ATP1A1: variants seen among roughly 807,000 people sequenced by gnomAD.
ATP1A1 encodes the protein ATPase Na+/K+ transporting subunit alpha 1.
Under a neutral mutation model 114.8 loss-of-function variants are expected in ATP1A1, and 14 were observed. The observed-to-expected ratio is 0.12, with a 90% confidence interval of 0.08 to 0.19. The LOEUF (loss-of-function observed/expected upper bound fraction) is 0.19. ATP1A1 is among the 10% of genes least tolerant of loss of function. ATP1A1 has a pLI of 1.00. For missense variants in ATP1A1, 524 were observed against 1,290.7 expected (o/e 0.41, Z 9.10); for synonymous variants, 471 against 466.3 (o/e 1.01, Z -0.13).
chr1:116,401,394 G>C lies in ATP1A1; in HGVS notation c.2849+134G>C. The C allele has an allele frequency of 6.7e-7, 1 of 1,503,170 alleles. No homozygotes were observed. Among genetic ancestry groups the C allele is most frequent in the East Asian group, 2.3e-5 (1 of 44,084 alleles). 93.1% of individuals were successfully genotyped at this position (1,503,170 alleles called of 1,614,324 possible). A position where few individuals can be genotyped will look rare whatever the true frequency, so the allele number is the denominator to read the frequency against. ...ATCTCTAGTTTATAGAGCAAATTTA[G>C]GAAGCAAGAAATGTAGCTTTCTAGT... On this transcript the variant is annotated intron_variant, in intron 20 of 22. Coordinates refer to ENST00000295598, the MANE Select transcript of ATP1A1 (RefSeq NM_000701.8). The surrounding 1 kb of genome is among the most constrained non-coding windows in gnomAD (Gnocchi z 4.7).
In ATP1A1 at chr1:116,389,715, G is replaced by T; in HGVS notation, c.1023+8G>T. 6.2e-7 allele frequency: 1 copy of T among 1,613,902 alleles called. No homozygotes were observed. The highest frequency in any genetic ancestry group is 1.1e-5 in the South Asian group (1 of 91,060). ...TTGCTGGCCACTGTCACGGTAAGAG[G>T]CAGGTGATGGTCACCCTGACTCAGA... On this transcript the variant is annotated splice_region_variant and intron_variant, in intron 8 of 22. Coordinates refer to ENST00000295598, the MANE Select transcript of ATP1A1 (RefSeq NM_000701.8). This position sits in a 1 kb window ranked among gnomAD's most constrained non-coding sequence, Gnocchi z 6.9.
Position 116,401,366 on chromosome 1 carries a change from G to A in ATP1A1, c.2849+106G>A. Reference sequence around the variant, plus strand: ...ATATGACACATATAGCCAGGTTTCTGGAATCTCTAGTTTATAGAGCAAATT... The same window carrying A: ...ATATGACACATATAGCCAGGTTTCTAGAATCTCTAGTTTATAGAGCAAATT... On this transcript the variant is annotated intron_variant, in intron 20 of 22. Transcript: ENST00000295598. The surrounding 1 kb of genome is among the most constrained non-coding windows in gnomAD (Gnocchi z 4.7). 1.3e-6 allele frequency: 2 copies of A among 1,563,158 alleles called. No individual in the cohort carries two copies. The highest frequency in any genetic ancestry group is 1.7e-6 in the Non-Finnish European group (2 of 1,149,068).
In ATP1A1 at chr1:116,374,351, G is replaced by A. The variant is rs1020336482; in HGVS notation, c.12+828G>A. 20 of 1,510,664 alleles carry A rather than the reference G, an allele frequency of 1.3e-5. No homozygotes were observed. The African/African-American group carries it at 1.9e-4, about 15-fold the overall frequency. The allele number at this position is 1,510,664 out of a possible 1,614,324, so 93.6% of individuals were successfully genotyped here. On this transcript the variant is annotated intron_variant, in intron 1 of 22. Transcript: ENST00000295598. ...GAGAGGCGTGCAGATTTTTTTTGAA[G>A]GGACGAGCCCTGAAGGAGGATAGGC...
intron 18 of ATP1A1, 152 bp from the exon 19 acceptor site, chr1:116,400,709 G>A (rs1653392782): frequency 3.2e-6 from 3 of 928,440 alleles, no homozygotes; most frequent in African/African-American, 3.4e-5. Flanking sequence ...TAGCCTGTGA[G>A]TGACCAGGCA....
At chr1:116,390,549 T>TA (rs1652381634) in intron 9 of ATP1A1, 138 bp downstream of exon 9, 1 of 1,008,964 alleles carries the variant, frequency 9.9e-7, no homozygotes. Flanking sequence ...TTTTTTTTTT[T>TA]TATCATTTAG....
chr1:116,388,608 C>T lies in ATP1A1; in HGVS notation c.502-30C>T, dbSNP rs759918521. ...ACACTACCTTCTCTTTGTTGGTATA[C>T]TAACGGTGTAAATTGTTTCTTTTCC... On this transcript the variant is annotated intron_variant, in intron 5 of 22. Coordinates refer to ENST00000295598, the MANE Select transcript of ATP1A1 (RefSeq NM_000701.8). The surrounding 1 kb of genome is among the most constrained non-coding windows in gnomAD (Gnocchi z 5.6). 3 of 1,610,868 alleles carry T rather than the reference C, an allele frequency of 1.9e-6. No individual in the cohort carries two copies. The highest frequency in any genetic ancestry group is 2.5e-6 in the Non-Finnish European group (3 of 1,178,022).
At chr1:116,394,059 T>C (rs1043829768) in intron 12 of ATP1A1, among the ~76,000 whole-genome samples, 23 of 152,210 alleles carry the variant, frequency 1.5e-4, no homozygotes, top group Non-Finnish European at 2.1e-4. Context: ...TTTGTTGCTG[T>C]GGACATGACT....
chr1:116,374,527 C>G (rs1041675672), intron 1 of ATP1A1, among the ~76,000 whole-genome samples: 1 of 152,168 alleles, frequency 6.6e-6, no homozygotes, highest in African/African-American at 2.4e-5. Flanking sequence ...GGCTGGAGAG[C>G]GGCGCGGAGC....
intron 12 of ATP1A1, among the ~76,000 whole-genome samples, chr1:116,394,539 A>C (rs575368113): frequency 6.6e-6 from 1 of 152,206 alleles, no homozygotes; most frequent in Non-Finnish European, 1.5e-5. Context: ...ACGTCATACA[A>C]CATTGAAAAG....
Position 116,404,107 on chromosome 1 carries a change from C to A in ATP1A1, c.3043+132C>A, listed in dbSNP as rs770082408. The A allele has an allele frequency of 1.2e-6, 1 of 844,930 alleles. No individual in the cohort carries two copies. Among genetic ancestry groups the A allele is most frequent in the Non-Finnish European group, 1.9e-6 (1 of 535,040 alleles). The allele number at this position is 844,930 out of a possible 1,614,324, so 52.3% of individuals were successfully genotyped here. On this transcript the variant is annotated intron_variant, in intron 22 of 22. Coordinates refer to ENST00000295598, the MANE Select transcript of ATP1A1 (RefSeq NM_000701.8). This position sits in a 1 kb window ranked among gnomAD's most constrained non-coding sequence, Gnocchi z 4.8. ...TGATTAGCTAAGGTGACTGGACCAG[C>A]AAACTGACCATAGTCACATCTTCAG...
chr1:116,401,907 G>C lies in ATP1A1; in HGVS notation c.2951+252G>C, dbSNP rs1470640790. The C allele has an allele frequency of 3.8e-6, 2 of 527,962 alleles. No individual in the cohort carries two copies. Among genetic ancestry groups the C allele is most frequent in the Non-Finnish European group, 6.7e-6 (2 of 297,438 alleles). 32.7% of individuals were successfully genotyped at this position (527,962 alleles called of 1,614,324 possible). A position where few individuals can be genotyped will look rare whatever the true frequency, so the allele number is the denominator to read the frequency against. On this transcript the variant is annotated intron_variant, in intron 21 of 22. Coordinates refer to ENST00000295598, the MANE Select transcript of ATP1A1 (RefSeq NM_000701.8). The surrounding 1 kb of genome is among the most constrained non-coding windows in gnomAD (Gnocchi z 4.7). Reference sequence around the variant, plus strand: ...AAGCCACACAGGCTCTAGCTCCATGGAACTGCTCAACAGCGAACTGCATTG... The same window carrying C: ...AAGCCACACAGGCTCTAGCTCCATGCAACTGCTCAACAGCGAACTGCATTG...
In ATP1A1 at chr1:116,387,608, T is replaced by C. The variant is rs1321472162; in HGVS notation, c.387+117T>C. ...ACTTAATGGTTATGAACTCATTACTTAATGGTTATGAACAGCTGTTGCCTT... is the reference window on the plus strand; with the variant it reads ...ACTTAATGGTTATGAACTCATTACTCAATGGTTATGAACAGCTGTTGCCTT... On this transcript the variant is annotated intron_variant, in intron 4 of 22. Coordinates refer to ENST00000295598, the MANE Select transcript of ATP1A1 (RefSeq NM_000701.8). The surrounding 1 kb of genome is among the most constrained non-coding windows in gnomAD (Gnocchi z 6.7). The C allele has an allele frequency of 8.6e-7, 1 of 1,156,478 alleles. No homozygotes were observed. The highest frequency in any genetic ancestry group is 1.2e-6 in the Non-Finnish European group (1 of 819,902). 71.6% of individuals were successfully genotyped at this position (1,156,478 alleles called of 1,614,324 possible).
Position 116,373,876 on chromosome 1 carries a change from G to T in ATP1A1, c.12+353G>T, listed in dbSNP as rs905832874. ...GGAGGAGGGGGCTTGCAGCAGCGGGGGCGGCCCCGGGACTGAGCCGGCATC... is the reference window on the plus strand; with the variant it reads ...GGAGGAGGGGGCTTGCAGCAGCGGGTGCGGCCCCGGGACTGAGCCGGCATC... On this transcript the variant is annotated intron_variant, in intron 1 of 22. Coordinates refer to ENST00000295598, the MANE Select transcript of ATP1A1 (RefSeq NM_000701.8). 1.8e-5 allele frequency: 23 copies of T among 1,272,672 alleles called. 1 individual carries two copies. Among genetic ancestry groups the T allele is most frequent in the Middle Eastern group, 6.0e-4 (2 of 3,342 alleles). 78.8% of individuals were successfully genotyped at this position (1,272,672 alleles called of 1,614,324 possible). A position where few individuals can be genotyped will look rare whatever the true frequency, so the allele number is the denominator to read the frequency against.
In ATP1A1 at chr1:116,398,511, T is replaced by TAGGAA; in HGVS notation, c.2125-105_2125-101dup. The TAGGAA allele has an allele frequency of 1.5e-6, 2 of 1,351,856 alleles. No individual in the cohort carries two copies. Among genetic ancestry groups the TAGGAA allele is most frequent in the Non-Finnish European group, 2.0e-6 (2 of 984,834 alleles). 83.7% of individuals were successfully genotyped at this position (1,351,856 alleles called of 1,614,324 possible). On this transcript the variant is annotated intron_variant, in intron 15 of 22. Transcript: ENST00000295598. The surrounding 1 kb of genome is among the most constrained non-coding windows in gnomAD (Gnocchi z 6.1). ...TCTCAGGCTTCATAAATAGTCTCAA[T>TAGGAA]AGGAAAGGAGCAGTGTCTGTAATGA...
intron 21 of ATP1A1, 122 bp from the exon 22 acceptor site, chr1:116,403,762 G>C: frequency 1.3e-6 from 1 of 797,416 alleles, no homozygotes. Context: ...AGTTAACTGT[G>C]ACTGTACTTG....
Position 116,373,346 on chromosome 1 carries a change from A to C in ATP1A1, c.-166A>C. The C allele has an allele frequency of 2.4e-3, 1,222 of 503,948 alleles. No homozygotes were observed. The highest frequency in any genetic ancestry group is 6.5e-3 in the East Asian group (118 of 18,198). The allele number at this position is 503,948 out of a possible 1,614,324, so 31.2% of individuals were successfully genotyped here. Reference sequence around the variant, plus strand: ...CGGCGGCAGCAACAGCGGCGGCGGCATCGGCCCGAGCCGCCGGCCGCCCTC... The same window carrying C: ...CGGCGGCAGCAACAGCGGCGGCGGCCTCGGCCCGAGCCGCCGGCCGCCCTC... On this transcript the variant is annotated 5_prime_UTR_variant, in exon 1 of 23. Coordinates refer to ENST00000295598, the MANE Select transcript of ATP1A1 (RefSeq NM_000701.8).
chr1:116,388,713 G>A lies in ATP1A1; in HGVS notation c.577G>A (p.Val193Ile), dbSNP rs777143274. The A allele has an allele frequency of 2.5e-6, 4 of 1,614,230 alleles. No homozygotes were observed. The Admixed American group carries it at 6.7e-5, about 27-fold the overall frequency. ...EEVVVGDLVE[V>I]KGGDRIPADL... ...AGTTGTGGTTGGGGATCTGGTGGAA[G>A]TAAAAGGAGGAGACCGAATTCCTGC... Residue 193 changes from valine to isoleucine, a missense_variant, in exon 6 of 23, where the codon GTA becomes ATA. Coordinates refer to ENST00000295598, the MANE Select transcript of ATP1A1 (RefSeq NM_000701.8). The surrounding 1 kb of genome is among the most constrained non-coding windows in gnomAD (Gnocchi z 5.6).
At chr1:116,376,822 G>A (rs1651405282) in intron 1 of ATP1A1, among the ~76,000 whole-genome samples, 1 of 152,196 alleles carries the variant, frequency 6.6e-6, no homozygotes, top group African/African-American at 2.4e-5. Context: ...TAAAAATTCA[G>A]TTAGATGTTT....
In ATP1A1 at chr1:116,384,059, G is replaced by A; in HGVS notation, c.58G>A (p.Asp20Asn). 6.2e-7 allele frequency: 1 copy of A among 1,614,092 alleles called. No homozygotes were observed. The highest frequency in any genetic ancestry group is 1.1e-5 in the South Asian group (1 of 91,070). The change falls in exon 2 of 23, where the codon GAT becomes AAT. Residue 20 changes from aspartate (D) to asparagine (N), a missense_variant. Around this residue, in one of 8 missense-constraint regions of ATP1A1, gnomAD observed 33 missense variants for 31.2 expected, o/e 1.06. Coordinates refer to ENST00000295598, the MANE Select transcript of ATP1A1 (RefSeq NM_000701.8). This position sits in a 1 kb window ranked among gnomAD's most constrained non-coding sequence, Gnocchi z 5.1. ...YEPAAVSEQG[D>N]KKGKKGKKDR... ...GCCTGCAGCTGTTTCAGAACAAGGTGATAAAAAGGGCAAAAAGGGCAAAAA... is the reference window on the plus strand; with the variant it reads ...GCCTGCAGCTGTTTCAGAACAAGGTAATAAAAAGGGCAAAAAGGGCAAAAA...
Sources: allele counts gnomAD v4.1 joint callset (sites outside exome capture counted in the v4.1 genomes callset), GRCh38; gene constraint gnomAD v4.1.1; regional missense constraint gnomAD v4.1.1; non-coding constraint Gnocchi (gnomAD v3.1); transcripts MANE v1.5; gene names NCBI Gene and HGNC (gene_info 2026-07-23, HGNC 2026-07-21).